The following CHPT1 variants were observed in gnomAD, a reference collection of about 807,000 sequenced individuals.
CHPT1 encodes the protein cholinephosphotransferase 1.
A neutral mutation model predicts 47.6 loss-of-function variants in CHPT1; 36 were observed. That is an observed-to-expected ratio of 0.76 (90% CI 0.58 to 1.00). The LOEUF is 1.00. Among genes scored for constraint, CHPT1 ranks in the 50% least tolerant of loss-of-function variants. The pLI is 0.00. For synonymous variants in CHPT1, 194 were observed against 186.3 expected (o/e 1.04, Z -0.33); for missense variants, 458 against 498.1 (o/e 0.92, Z 0.77).
intron 5 of CHPT1, among the ~76,000 whole-genome samples, chr12:101,722,216 T>A (rs1951861277): frequency 6.6e-6 from 1 of 152,162 alleles, no homozygotes; most frequent in Non-Finnish European, 1.5e-5. Flanking sequence ...TTAAGAATCA[T>A]AATATAAAGC....
intron 1 of CHPT1, among the ~76,000 whole-genome samples, chr12:101,701,843 G>A (rs111370165): frequency 2.5e-4 from 38 of 152,298 alleles, no homozygotes; most frequent in African/African-American, 6.0e-4. Context: ...ATAACACAAT[G>A]TGATGTCAAG....
chr12:101,698,283 C>G (rs1424423315), intron 1 of CHPT1, 149 bp downstream of exon 1: 19 of 1,177,546 alleles, frequency 1.6e-5, no homozygotes, highest in Non-Finnish European at 2.1e-5. Flanking sequence ...GGTGTCCGCC[C>G]TGGGCCGCCT....
At chr12:101,721,743 T>G (rs1357313884) in intron 5 of CHPT1, among the ~76,000 whole-genome samples, 1 of 152,170 alleles carries the variant, frequency 6.6e-6, no homozygotes, top group Non-Finnish European at 1.5e-5. Flanking sequence ...AAACAAGATG[T>G]AGTAATGATC....
intron 1 of CHPT1, among the ~76,000 whole-genome samples, chr12:101,701,455 C>T (rs1056075920): frequency 1.3e-5 from 2 of 152,134 alleles, no homozygotes; most frequent in Admixed American, 6.5e-5. Flanking sequence ...TCATTGACTC[C>T]TCTCAACAAC....
At chr12:101,718,794 C>T (rs1951803595) in intron 4 of CHPT1, among the ~76,000 whole-genome samples, 2 of 151,930 alleles carry the variant, frequency 1.3e-5, no homozygotes, top group South Asian at 4.1e-4. Flanking sequence ...TCAATACATT[C>T]ATATTCCCTC....
At chr12:101,707,391 G>A (rs909164551) in intron 1 of CHPT1, among the ~76,000 whole-genome samples, 1 of 152,194 alleles carries the variant, frequency 6.6e-6, no homozygotes, top group African/African-American at 2.4e-5. Context: ...TAGTTTAGGA[G>A]TGGCCAGAAG....
At chr12:101,728,826 A>C in intron 8 of CHPT1, 75 bp from the exon 9 acceptor site, 1 of 1,535,604 alleles carries the variant, frequency 6.5e-7, no homozygotes, top group Non-Finnish European at 8.9e-7. Context: ...ATGATTAAAG[A>C]TGTTACAATT....
At chr12:101,722,727 GAAAAT>G (rs1450534958) in intron 5 of CHPT1, among the ~76,000 whole-genome samples, 1 of 129,322 alleles carries the variant, frequency 7.7e-6, no homozygotes, top group African/African-American at 3.0e-5. Flanking sequence ...AAAAAAAAAA[GAAAAT>G]AGGAAAAAAG....
At chr12:101,706,345 G>A (rs2137004344) in intron 1 of CHPT1, among the ~76,000 whole-genome samples, 1 of 140,888 alleles carries the variant, frequency 7.1e-6, no homozygotes, top group African/African-American at 2.5e-5. Context: ...GTGAGACTCT[G>A]TCTCAAGAAA....
intron 3 of CHPT1, 25 bp from the exon 4 acceptor site, chr12:101,716,703 T>C: frequency 6.8e-7 from 1 of 1,473,138 alleles, no homozygotes; most frequent in Non-Finnish European, 9.3e-7. Flanking sequence ...AAACACCTTA[T>C]CTATTCTTTG....
chr12:101,728,635 A>G (rs1566047000), intron 8 of CHPT1: 3 of 367,326 alleles, frequency 8.2e-6, no homozygotes, highest in Non-Finnish European at 1.5e-5. Context: ...TAGAGATACA[A>G]TGAAGCCAAA....
intron 1 of CHPT1, among the ~76,000 whole-genome samples, chr12:101,704,249 T>A (rs1390646505): frequency 6.6e-6 from 1 of 152,078 alleles, no homozygotes; most frequent in African/African-American, 2.4e-5. Flanking sequence ...TTCTAGTATT[T>A]CCTAGTTTGG....
In CHPT1 at chr12:101,720,264, T is replaced by G. The variant is rs767262737; in HGVS notation, c.780+10T>G. ...TGGATCCACTATAGCAGTAAGGCAA[T>G]AATTTCATCATTCAGTGTCAATTTT... On this transcript the variant is annotated intron_variant, in intron 5 of 8. Coordinates refer to ENST00000229266, the MANE Select transcript of CHPT1 (RefSeq NM_020244.3). 1.3e-5 allele frequency: 20 copies of G among 1,584,402 alleles called. No individual in the cohort carries two copies. The highest frequency in any genetic ancestry group is 3.7e-5 in the Admixed American group (2 of 54,378).
chr12:101,720,116 C>T lies in CHPT1; in HGVS notation c.649-7C>T, dbSNP rs201833858. ...GTCTTAATTGTTTCTTTCTTCTACC[C>T]CTAAAGATTCCTATTCTAGAAATAA... On this transcript the variant is annotated splice_polypyrimidine_tract_variant and splice_region_variant and intron_variant, in intron 4 of 8. Coordinates refer to ENST00000229266, the MANE Select transcript of CHPT1 (RefSeq NM_020244.3). 9 of 1,575,922 alleles carry T rather than the reference C, an allele frequency of 5.7e-6. No homozygotes were observed. The East Asian group carries it at 1.4e-4, about 24-fold the overall frequency.
At chr12:101,704,264 A>AT (rs1487356537) in intron 1 of CHPT1, among the ~76,000 whole-genome samples, 8 of 151,016 alleles carry the variant, frequency 5.3e-5, no homozygotes, top group Non-Finnish European at 8.9e-5. Flanking sequence ...GTTTGGGAAG[A>AT]TTTTTTCTTT....
intron 1 of CHPT1, among the ~76,000 whole-genome samples, chr12:101,710,145 G>A (rs1485601277): frequency 6.7e-6 from 1 of 148,562 alleles, no homozygotes; most frequent in African/African-American, 2.4e-5. Flanking sequence ...AGGAGTTGGA[G>A]ACCGGCCTGG....
At chr12:101,709,106 T>C (rs530910620) in intron 1 of CHPT1, among the ~76,000 whole-genome samples, 1 of 147,926 alleles carries the variant, frequency 6.8e-6, no homozygotes, top group South Asian at 2.1e-4. Flanking sequence ...CCATGAAGAG[T>C]CTCTTCTGGC....
chr12:101,704,678 G>A (rs1291623793), intron 1 of CHPT1, among the ~76,000 whole-genome samples: 1 of 138,360 alleles, frequency 7.2e-6, no homozygotes, highest in Non-Finnish European at 1.5e-5. Context: ...TGGGATTACA[G>A]GCATGAGCCA....
chr12:101,727,171 T>G (rs1951968839), intron 8 of CHPT1: 1 of 142,354 alleles, frequency 7.0e-6, no homozygotes, highest in Non-Finnish European at 1.5e-5. Context: ...TCAGTTGACA[T>G]GTAAGAAAAT....
Sources: gnomAD v4.1 joint callset for allele counts (sites outside exome capture counted in the v4.1 genomes callset) on GRCh38, gnomAD v4.1.1 for gene constraint, MANE v1.5 for transcripts, NCBI Gene and HGNC (gene_info 2026-07-23, HGNC 2026-07-21) for gene names.